The following SMCHD1 variants were observed in gnomAD, a reference collection of about 807,000 sequenced individuals.
SMCHD1 encodes structural maintenance of chromosomes flexible hinge domain-containing protein 1.
Under a neutral mutation model 254.7 loss-of-function variants are expected in SMCHD1, and 78 were observed. That is an observed-to-expected ratio of 0.31 (90% confidence interval 0.26 to 0.37). SMCHD1 has a LOEUF of 0.37. Among genes scored for constraint, SMCHD1 ranks in the 10% least tolerant of loss-of-function variants. The pLI, the probability that SMCHD1 is intolerant of heterozygous loss-of-function variation, is 1.00. For synonymous variants in SMCHD1, 766 were observed against 794.9 expected (o/e 0.96, Z 0.61); for missense variants, 1,840 against 2,408.1 (o/e 0.76, Z 4.94).
intron 12 of SMCHD1, 86 bp downstream of exon 12, chr18:2,701,004 T>G: frequency 1.9e-6 from 2 of 1,033,890 alleles, no homozygotes; most frequent in Non-Finnish European, 2.7e-6. Flanking sequence ...AGGTTTTTAT[T>G]GATATTTTGC....
chr18:2,662,090 C>T (rs1241325562), intron 1 of SMCHD1, among the ~76,000 whole-genome samples: 4 of 141,254 alleles, frequency 2.8e-5, no homozygotes, highest in Admixed American at 2.1e-4. Flanking sequence ...ACCCGGGAAG[C>T]GGAGCTTGCA....
chr18:2,656,390 C>T (rs1446189508), intron 1 of SMCHD1, 129 bp downstream of exon 1: 3 of 873,484 alleles, frequency 3.4e-6, no homozygotes, highest in Non-Finnish European at 4.6e-6. Flanking sequence ...TGGCTTCCCT[C>T]TCCCGTGTGC....
chr18:2,773,943 G>T (rs1202436662), intron 41 of SMCHD1, among the ~76,000 whole-genome samples: 1 of 151,802 alleles, frequency 6.6e-6, no homozygotes, highest in Non-Finnish European at 1.5e-5. Flanking sequence ...AAAAACCCTA[G>T]AATAAATAAT....
chr18:2,679,868 T>C (rs2073885808), intron 5 of SMCHD1, among the ~76,000 whole-genome samples: 1 of 152,194 alleles, frequency 6.6e-6, no homozygotes, highest in South Asian at 2.1e-4. Context: ...TGTTCTATAG[T>C]ACAGGTCTGT....
chr18:2,706,164 A>C (rs1034566530), intron 14 of SMCHD1, among the ~76,000 whole-genome samples, 200 bp from the exon 15 acceptor site: 1 of 152,172 alleles, frequency 6.6e-6, no homozygotes, highest in South Asian at 2.1e-4. Flanking sequence ...TTTCTTGTTA[A>C]TGTTTGATAT....
Position 2,718,488 on chromosome 18 carries a change from C to A in SMCHD1, c.2458+54C>A. 6.9e-7 allele frequency: 1 copy of A among 1,440,358 alleles called. No individual in the cohort carries two copies. The allele number at this position is 1,440,358 out of a possible 1,614,324, so 89.2% of individuals were successfully genotyped here. On this transcript the variant is annotated intron_variant, in intron 19 of 47. Transcript: ENST00000320876. This position sits in a 1 kb window ranked among gnomAD's most constrained non-coding sequence, Gnocchi z 4.6. ...TATGCTAAAGGTGGCATTTTAAATC[C>A]AAAGAGAAAAGAGAGATAAGCCATT...
rs763226355 is a variant in SMCHD1, at chr18:2,708,867, CATATATATATATATATATAT to C, written c.2260+969_2260+988del. Among the ~76,000 whole-genome samples the C allele has an allele frequency of 3.1e-3, 26 of 8,298 alleles. 2 individuals carry two copies. Among genetic ancestry groups the C allele is most frequent in the South Asian group, 0.011 (2 of 182 alleles). 5.4% of individuals were successfully genotyped at this position (8,298 alleles called of 152,430 possible). A position where few individuals can be genotyped will look rare whatever the true frequency, so the allele number is the denominator to read the frequency against. On this transcript the variant is annotated intron_variant, in intron 17 of 47. Transcript: ENST00000320876. ...TCCCTGCTTCTATTTTCAATAACTT[CATATATATATATATATATAT>C]ATATATATATATATATATATAACAT... is the stretch of plus-strand genomic sequence containing the variant.
chr18:2,672,999 C>T (rs1490970788), intron 3 of SMCHD1: 5 of 853,904 alleles, frequency 5.9e-6, no homozygotes, highest in African/African-American at 1.9e-5. Flanking sequence ...CTCTTAATGT[C>T]TGTATGTCTG....
intron 17 of SMCHD1, among the ~76,000 whole-genome samples, chr18:2,708,770 C>T (rs1253133813): frequency 6.7e-6 from 1 of 149,146 alleles, no homozygotes; most frequent in Non-Finnish European, 1.5e-5. Context: ...CACATGCCAC[C>T]ACTCCCAGCT....
intron 1 of SMCHD1, among the ~76,000 whole-genome samples, chr18:2,657,009 G>A (rs1179468924): frequency 6.6e-6 from 1 of 152,136 alleles, no homozygotes; most frequent in Non-Finnish European, 1.5e-5. Context: ...AAACTGTGAT[G>A]TACTTTATAG....
intron 8 of SMCHD1, among the ~76,000 whole-genome samples, chr18:2,695,729 T>C (rs1402488426): frequency 6.6e-6 from 1 of 152,262 alleles, no homozygotes; most frequent in Non-Finnish European, 1.5e-5. Context: ...ATTCATATTT[T>C]AAAAATGTAT....
chr18:2,724,009 TTTTC>T (rs1331326122), intron 20 of SMCHD1, among the ~76,000 whole-genome samples: 11 of 151,734 alleles, frequency 7.2e-5, no homozygotes, highest in Non-Finnish European at 1.3e-4. Flanking sequence ...CCTTTCCGTT[TTTTC>T]TTTATGTTTT....
At position 2,703,896 on chromosome 18, in the gene SMCHD1, A is replaced by G; in HGVS notation, c.1842+10A>G. 6.6e-7 allele frequency: 1 copy of G among 1,525,260 alleles called. No individual in the cohort carries two copies. Among genetic ancestry groups the G allele is most frequent in the East Asian group, 2.3e-5 (1 of 42,958 alleles). 94.5% of individuals were successfully genotyped at this position (1,525,260 alleles called of 1,614,324 possible). On this transcript the variant is annotated intron_variant, in intron 13 of 47. Coordinates refer to ENST00000320876, the MANE Select transcript of SMCHD1 (RefSeq NM_015295.3). ...CAAAGCAGGACAGCTGGTAGGTTTA[A>G]CTTATTGTCACTTTTTTCTTATAAT...
chr18:2,656,034 C>G lies in SMCHD1; in HGVS notation c.-42C>G. 7.7e-7 allele frequency: 1 copy of G among 1,306,448 alleles called. No homozygotes were observed. The highest frequency in any genetic ancestry group is 1.5e-5 in the African/African-American group (1 of 65,066). 80.9% of individuals were successfully genotyped at this position (1,306,448 alleles called of 1,614,324 possible). ...GGAGCGCGCACCTCAGCCCTGAGCCCGGCGGCGGCAGGCGTCGCTGTCTTT... is the reference window on the plus strand; with the variant it reads ...GGAGCGCGCACCTCAGCCCTGAGCCGGGCGGCGGCAGGCGTCGCTGTCTTT... On this transcript the variant is annotated 5_prime_UTR_variant, in exon 1 of 48. Coordinates refer to ENST00000320876, the MANE Select transcript of SMCHD1 (RefSeq NM_015295.3).
chr18:2,740,009 G>A (rs1284575690), intron 27 of SMCHD1, among the ~76,000 whole-genome samples: 3 of 151,268 alleles, frequency 2.0e-5, no homozygotes, highest in Non-Finnish European at 2.9e-5. Flanking sequence ...AGGTATACAC[G>A]TGCCATGGTG....
chr18:2,656,435 G>T (rs2073059511), intron 1 of SMCHD1, among the ~76,000 whole-genome samples, 174 bp downstream of exon 1: 1 of 152,150 alleles, frequency 6.6e-6, no homozygotes, highest in Non-Finnish European at 1.5e-5. Context: ...CGGACGCCTC[G>T]GGCGGGCCCT....
intron 17 of SMCHD1, among the ~76,000 whole-genome samples, chr18:2,715,227 G>T (rs2074770481): frequency 6.6e-6 from 1 of 151,844 alleles, no homozygotes; most frequent in Admixed American, 6.6e-5. Context: ...TTTCCCTTGG[G>T]AATACCTGGG....
chr18:2,722,095 T>G (rs2074938436), intron 19 of SMCHD1, among the ~76,000 whole-genome samples: 1 of 152,240 alleles, frequency 6.6e-6, no homozygotes, highest in South Asian at 2.1e-4. Flanking sequence ...GAGCTTCTAT[T>G]TAACTTCATC....
rs150777622 is a variant in SMCHD1 at position 2,666,628 on chromosome 18, C to T, written c.263-242C>T. ...TTGACACTACGCTATTTTAGATTCT[C>T]GTCTGATTTCCTGTGATAGTTTAAC... On this transcript the variant is annotated intron_variant, in intron 2 of 47. Coordinates refer to ENST00000320876, the MANE Select transcript of SMCHD1 (RefSeq NM_015295.3). Among the ~76,000 whole-genome samples the T allele has an allele frequency of 2.0e-3, 303 of 152,186 alleles. 2 individuals are homozygous for T. The highest frequency in any genetic ancestry group is 5.6e-3 in the African/African-American group (234 of 41,534).
Sources: gnomAD v4.1 joint callset for allele counts (sites outside exome capture counted in the v4.1 genomes callset) on GRCh38, gnomAD v4.1.1 for gene constraint, Gnocchi (gnomAD v3.1) non-coding constraint, MANE v1.5 for transcripts, NCBI Gene and HGNC (gene_info 2026-07-23, HGNC 2026-07-21) for gene names.